The following NCKAP5 variants were observed in gnomAD, a reference collection of about 807,000 sequenced individuals.
NCKAP5 encodes the protein nck-associated protein 5.
NCKAP5 carries 92 observed loss-of-function variants against 167.0 expected under a neutral mutation model. The ratio of observed to expected loss-of-function variants is 0.55; its 90% confidence interval spans 0.47 to 0.66. NCKAP5 has a LOEUF of 0.66. NCKAP5 is among the 30% of genes least tolerant of loss of function. The pLI is 0.00. For synonymous variants in NCKAP5, 891 were observed against 877.4 expected, an observed-to-expected ratio of 1.02 and a Z score of -0.27; for missense variants, 2,378 against 2,315.0, an observed-to-expected ratio of 1.03 and a Z score of -0.56.
At chr2:133,354,669 A>G (rs1684590005) in intron 3 of NCKAP5, among the ~76,000 whole-genome samples, 1 of 152,256 alleles carries the variant, frequency 6.6e-6, no homozygotes, top group Non-Finnish European at 1.5e-5. Context: ...CCTCTACCAA[A>G]ATTATGAGGA....
At chr2:133,473,286 C>G (rs1465795622) in intron 3 of NCKAP5, among the ~76,000 whole-genome samples, 2 of 151,654 alleles carry the variant, frequency 1.3e-5, no homozygotes, top group African/African-American at 4.9e-5. Context: ...GAGCCGAGAT[C>G]GAGCCACTGC....
chr2:133,221,521 G>C (rs2086662615), intron 4 of NCKAP5, among the ~76,000 whole-genome samples: 1 of 152,158 alleles, frequency 6.6e-6, no homozygotes, highest in Non-Finnish European at 1.5e-5. Context: ...TAGGGTCTGA[G>C]AAATAAACAC....
At chr2:133,034,739 G>T (rs2078987920) in intron 6 of NCKAP5, among the ~76,000 whole-genome samples, 1 of 151,780 alleles carries the variant, frequency 6.6e-6, no homozygotes, top group African/African-American at 2.4e-5. Flanking sequence ...AAACCCTATG[G>T]TAACCTCAAA....
chr2:133,367,912 A>G (rs1685554537), intron 3 of NCKAP5, among the ~76,000 whole-genome samples: 1 of 152,196 alleles, frequency 6.6e-6, no homozygotes, highest in Admixed American at 6.5e-5. Context: ...ATTGTGGCTC[A>G]GGGGCTGTGC....
intron 7 of NCKAP5, among the ~76,000 whole-genome samples, chr2:132,988,906 A>G (rs1205740679): frequency 6.6e-6 from 1 of 152,218 alleles, no homozygotes; most frequent in East Asian, 1.9e-4. Context: ...TGAAAAACAA[A>G]GAACCCAGAG....
At chr2:133,471,489 G>A (rs930926914) in intron 3 of NCKAP5, among the ~76,000 whole-genome samples, 1 of 152,098 alleles carries the variant, frequency 6.6e-6, no homozygotes, top group African/African-American at 2.4e-5. Flanking sequence ...TAGTGCTAGA[G>A]CCATTGCTAG....
At chr2:132,687,822 G>C (rs774694508) in intron 19 of NCKAP5, among the ~76,000 whole-genome samples, 4 of 150,456 alleles carry the variant, frequency 2.7e-5, no homozygotes, top group Non-Finnish European at 5.9e-5. Context: ...AAAAAAAATA[G>C]AATCACCCCC....
chr2:132,784,650 G>A lies in NCKAP5; in HGVS notation c.2161C>T (p.Gln721Ter), dbSNP rs1207745473. The A allele has an allele frequency of 1.2e-6, 2 of 1,613,786 alleles. No individual in the cohort carries two copies. The highest frequency in any genetic ancestry group is 2.7e-5 in the African/African-American group (2 of 74,914). ...TAGTCTCTTGCAGCAGCTCTTGGCT[G>A]TAAACAAGCAATTCCCTGAGGTAAA... ...ELLPQGIACL[Q>*]PRAAARDYTF... Residue 721 changes from glutamine to a stop codon, truncating the protein, a stop_gained, in exon 14 of 20, where the codon CAG (glutamine) becomes TAG (stop). Coordinates refer to ENST00000409261, the MANE Select transcript of NCKAP5 (RefSeq NM_207363.3). LOFTEE classifies it high-confidence loss of function.
At chr2:132,734,899 G>A (rs2105515188) in intron 16 of NCKAP5, among the ~76,000 whole-genome samples, 1 of 152,334 alleles carries the variant, frequency 6.6e-6, no homozygotes, top group East Asian at 1.9e-4. Context: ...CATTCAGGCA[G>A]CCACGTGAGC....
At position 132,914,279 on chromosome 2, in the gene NCKAP5, G is replaced by C. The variant is rs999669948; in HGVS notation, c.580-35363C>G. Among the ~76,000 whole-genome samples the C allele has an allele frequency of 1.3e-5, 2 of 152,196 alleles. 1 individual carries two copies. Among genetic ancestry groups the C allele is most frequent in the Non-Finnish European group, 2.9e-5 (2 of 67,996 alleles). On this transcript the variant is annotated intron_variant, in intron 8 of 19. Coordinates refer to ENST00000409261, the MANE Select transcript of NCKAP5 (RefSeq NM_207363.3). Reference sequence around the variant, plus strand: ...TTCGTGTGCAAAGAAAAAAGGCATAGAAATGTTTCTTTTTAAATTAATACA... The same window carrying C: ...TTCGTGTGCAAAGAAAAAAGGCATACAAATGTTTCTTTTTAAATTAATACA...
chr2:133,244,797 A>G (rs1032028290), intron 4 of NCKAP5, among the ~76,000 whole-genome samples: 6 of 152,166 alleles, frequency 3.9e-5, no homozygotes, highest in African/African-American at 1.4e-4. Flanking sequence ...AATTCATACC[A>G]CAAACAAAAC....
chr2:133,427,115 C>T (rs1368692016), intron 3 of NCKAP5, among the ~76,000 whole-genome samples: 1 of 152,038 alleles, frequency 6.6e-6, no homozygotes, highest in African/African-American at 2.4e-5. Context: ...ACAAAAGCAA[C>T]AAAGAATCAA....
chr2:132,741,037 T>C (rs1055246913), intron 16 of NCKAP5, among the ~76,000 whole-genome samples: 1 of 152,050 alleles, frequency 6.6e-6, no homozygotes, highest in African/African-American at 2.4e-5. Context: ...AAATTGGAAA[T>C]GGTTAGAAAT....
intron 8 of NCKAP5, among the ~76,000 whole-genome samples, chr2:132,907,632 A>G (rs777444801): frequency 6.6e-6 from 1 of 151,996 alleles, no homozygotes; most frequent in Non-Finnish European, 1.5e-5. Flanking sequence ...AGGTGTTTAG[A>G]TAAACATCTC....
chr2:133,482,024 T>C (rs1302873352), intron 3 of NCKAP5, among the ~76,000 whole-genome samples: 1 of 152,100 alleles, frequency 6.6e-6, no homozygotes, highest in Non-Finnish European at 1.5e-5. Flanking sequence ...ATCTTTCCAC[T>C]CTTTACCTCC....
chr2:132,913,441 A>G (rs1431827073), intron 8 of NCKAP5, among the ~76,000 whole-genome samples: 1 of 152,014 alleles, frequency 6.6e-6, no homozygotes, highest in Non-Finnish European at 1.5e-5. Flanking sequence ...TATGTAGACT[A>G]GAGACAAGAA....
chr2:133,153,934 G>C (rs927353584), intron 5 of NCKAP5, among the ~76,000 whole-genome samples: 1 of 148,314 alleles, frequency 6.7e-6, no homozygotes, highest in Non-Finnish European at 1.5e-5. Flanking sequence ...CCCCCAAGAA[G>C]GGTTCAAGTG....
chr2:133,138,983 G>A lies in NCKAP5; in HGVS notation c.208-8872C>T, dbSNP rs539568970. ...CTCACACCTGTTGCTTTAAACTCAC[G>A]AATTAACATTCCCCATAGGAAACCT... On this transcript the variant is annotated intron_variant, in intron 5 of 19. Coordinates refer to ENST00000409261, the MANE Select transcript of NCKAP5 (RefSeq NM_207363.3). Among the ~76,000 whole-genome samples, 56 of 152,210 alleles carry A rather than the reference G, an allele frequency of 3.7e-4. No homozygotes were observed. In the South Asian group the frequency reaches 0.011, roughly 30 times the overall value.
rs1219104592 is a variant in NCKAP5 at position 133,319,185 on chromosome 2, A to G, written c.70-16075T>C. Among the ~76,000 whole-genome samples the G allele has an allele frequency of 2.2e-5, 3 of 138,644 alleles. 1 individual carries two copies. Among genetic ancestry groups the G allele is most frequent in the African/African-American group, 8.1e-5 (3 of 36,838 alleles). 91.0% of individuals were successfully genotyped at this position (138,644 alleles called of 152,430 possible). ...CCCTTCCACCCCCTGCATTTTCAAG[A>G]TAAATCATTTGACGCTATAGTGAAT... is the stretch of plus-strand genomic sequence containing the variant. On this transcript the variant is annotated intron_variant, in intron 3 of 19. Coordinates refer to ENST00000409261, the MANE Select transcript of NCKAP5 (RefSeq NM_207363.3).
Sources: gnomAD v4.1 joint callset for allele counts (sites outside exome capture counted in the v4.1 genomes callset) on GRCh38, gnomAD v4.1.1 for gene constraint, MANE v1.5 for transcripts, NCBI Gene and HGNC (gene_info 2026-07-23, HGNC 2026-07-21) for gene names.